NELL1: variants seen among roughly 807,000 people sequenced by gnomAD.
NELL1 encodes neural EGFL like 1, also known as protein kinase C-binding protein NELL1.
In NELL1, 76 loss-of-function variants were observed where a neutral mutation model predicts 107.4. The ratio of observed to expected loss-of-function variants is 0.71; its 90% CI spans 0.59 to 0.86. NELL1 has a LOEUF of 0.86. Ranked by LOEUF, NELL1 falls within the 40% of genes least tolerant of loss-of-function variation. The pLI is 0.00. For synonymous variants in NELL1, 353 were observed against 341.2 expected (o/e 1.03, Z -0.38); for missense variants, 1,024 against 1,005.5 (o/e 1.02, Z -0.25).
At chr11:20,970,508 A>G (rs577036726) in intron 12 of NELL1, among the ~76,000 whole-genome samples, 1 of 152,340 alleles carries the variant, frequency 6.6e-6, no homozygotes, top group African/African-American at 2.4e-5. Context: ...GGATTTAAAT[A>G]GTGTTGTAGG....
intron 12 of NELL1, among the ~76,000 whole-genome samples, chr11:21,001,957 A>G (rs972652603): frequency 7.2e-5 from 11 of 152,178 alleles, no homozygotes; most frequent in Non-Finnish European, 1.0e-4. Flanking sequence ...TTAGAGTCCC[A>G]TGTTGGGCAA....
chr11:21,101,985 T>A (rs1854829153), intron 12 of NELL1, among the ~76,000 whole-genome samples: 1 of 152,140 alleles, frequency 6.6e-6, no homozygotes, highest in Admixed American at 6.5e-5. Context: ...CCTGAGTGGC[T>A]GGGATTACAG....
intron 14 of NELL1, among the ~76,000 whole-genome samples, chr11:21,290,664 GCTGTT>G (rs1849236864): frequency 6.6e-6 from 1 of 152,184 alleles, no homozygotes; most frequent in African/African-American, 2.4e-5. Context: ...AACAGTCTTT[GCTGTT>G]CTGCAGCCTC....
At chr11:21,065,314 T>C (rs1356550320) in intron 12 of NELL1, among the ~76,000 whole-genome samples, 1 of 152,216 alleles carries the variant, frequency 6.6e-6, no homozygotes, top group Non-Finnish European at 1.5e-5. Context: ...GGGTTTGTTA[T>C]ATAATTTCTA....
At chr11:21,532,760 A>G (rs1278500837) in intron 15 of NELL1, among the ~76,000 whole-genome samples, 1 of 152,208 alleles carries the variant, frequency 6.6e-6, no homozygotes, top group Non-Finnish European at 1.5e-5. Flanking sequence ...CTCTATAATC[A>G]GCCGTCTGTT....
At chr11:21,109,643 G>C (rs1230184645) in intron 12 of NELL1, among the ~76,000 whole-genome samples, 1 of 152,086 alleles carries the variant, frequency 6.6e-6, no homozygotes, top group African/African-American at 2.4e-5. Context: ...ATGTCAGTTT[G>C]TTCTTTCATT....
chr11:21,244,119 A>T (rs1858431744), intron 14 of NELL1, among the ~76,000 whole-genome samples: 1 of 152,148 alleles, frequency 6.6e-6, no homozygotes. Flanking sequence ...AAAGTCAGAT[A>T]TTGAATAGAA....
intron 13 of NELL1, among the ~76,000 whole-genome samples, chr11:21,217,169 T>C (rs1344533903): frequency 1.3e-5 from 2 of 152,108 alleles, no homozygotes; most frequent in African/African-American, 4.8e-5. Context: ...AAGAAGGACA[T>C]GTTTGCTTCC....
chr11:21,277,394 A>C (rs1033088561), intron 14 of NELL1, among the ~76,000 whole-genome samples: 47 of 151,584 alleles, frequency 3.1e-4, no homozygotes, highest in African/African-American at 1.1e-3. Flanking sequence ...AAAAGTCAGG[A>C]AACAACAGGT....
Position 21,560,229 on chromosome 11 carries a change from C to A in NELL1, c.1827C>A (p.Asn609Lys), listed in dbSNP as rs111554917. ...ECALRTHTCW[N>K]DSACINLAGG... Reference sequence around the variant, plus strand: ...CCTTAAGAACTCACACCTGTTGGAACGATTCTGCCTGCATCAACCTGGCAG... The same window carrying A: ...CCTTAAGAACTCACACCTGTTGGAAAGATTCTGCCTGCATCAACCTGGCAG... The change falls in exon 17 of 20, where the codon AAC (asparagine) becomes AAA (lysine). Residue 609 changes from asparagine (N) to lysine (K), a missense_variant. Transcript: ENST00000357134. 3 of 1,613,700 alleles carry A rather than the reference C, an allele frequency of 1.9e-6. No homozygotes were observed. Among genetic ancestry groups the A allele is most frequent in the South Asian group, 1.1e-5 (1 of 91,082 alleles).
intron 12 of NELL1, among the ~76,000 whole-genome samples, chr11:21,051,613 G>C (rs147749509): frequency 1.3e-5 from 2 of 152,132 alleles, no homozygotes; most frequent in Non-Finnish European, 2.9e-5. Flanking sequence ...ATTAGCATCC[G>C]TGTAACTATG....
chr11:21,209,895 G>A (rs1386708380), intron 13 of NELL1, among the ~76,000 whole-genome samples: 2 of 152,076 alleles, frequency 1.3e-5, no homozygotes, highest in African/African-American at 4.8e-5. Flanking sequence ...TACCCATTCT[G>A]CTGAGCTTAA....
chr11:20,717,765 AT>A (rs1366997438), intron 2 of NELL1, among the ~76,000 whole-genome samples: 2 of 152,092 alleles, frequency 1.3e-5, no homozygotes, highest in Non-Finnish European at 2.9e-5. Flanking sequence ...GAAATTACAT[AT>A]TTTTTTGGTC....
intron 4 of NELL1, among the ~76,000 whole-genome samples, chr11:20,873,440 T>G (rs578254689): frequency 6.6e-6 from 1 of 152,374 alleles, no homozygotes; most frequent in Non-Finnish European, 1.5e-5. Context: ...CTAAAATGTC[T>G]TTTAGATTAT....
intron 14 of NELL1, among the ~76,000 whole-genome samples, chr11:21,236,241 A>G (rs969005262): frequency 6.6e-6 from 1 of 152,158 alleles, no homozygotes; most frequent in African/African-American, 2.4e-5. Context: ...TGCTTGTAGT[A>G]TTCAATGTAT....
At chr11:20,697,023 A>C (rs1431950746) in intron 2 of NELL1, among the ~76,000 whole-genome samples, 1 of 152,162 alleles carries the variant, frequency 6.6e-6, no homozygotes, top group Non-Finnish European at 1.5e-5. Context: ...GTCTGTTTAC[A>C]CATCCAGTTA....
chr11:21,507,318 T>G (rs1158065612), intron 15 of NELL1, among the ~76,000 whole-genome samples: 1 of 152,220 alleles, frequency 6.6e-6, no homozygotes, highest in Non-Finnish European at 1.5e-5. Context: ...CGAAAATAAG[T>G]GACTTTAAGG....
intron 2 of NELL1, among the ~76,000 whole-genome samples, chr11:20,725,527 G>T (rs1855489690): frequency 6.6e-6 from 1 of 152,108 alleles, no homozygotes; most frequent in African/African-American, 2.4e-5. Context: ...GGTGCTCTCT[G>T]GCTTGAAAGC....
At chr11:20,993,313 A>C (rs1357566429) in intron 12 of NELL1, among the ~76,000 whole-genome samples, 1 of 152,196 alleles carries the variant, frequency 6.6e-6, no homozygotes, top group African/African-American at 2.4e-5. Context: ...CCTTGTGGGC[A>C]GGGGATACTA....
Sources: allele counts gnomAD v4.1 joint callset (sites outside exome capture counted in the v4.1 genomes callset), GRCh38; gene constraint gnomAD v4.1.1; transcripts MANE v1.5; gene names NCBI Gene and HGNC (gene_info 2026-07-23, HGNC 2026-07-21).